Variants in RBM18 observed in about 807,000 individuals in gnomAD.
RBM18 encodes the protein RNA binding motif protein 18.
Under a neutral mutation model 26.4 loss-of-function variants are expected in RBM18, and 18 were observed. The ratio of observed to expected loss-of-function variants is 0.68; its 90% confidence interval spans 0.47 to 1.01. The LOEUF (loss-of-function observed/expected upper bound fraction) is 1.01, where lower values mean the gene tolerates loss of function less well. Ranked by LOEUF, RBM18 falls within the 50% of genes least tolerant of loss-of-function variation. The pLI, the probability that RBM18 is intolerant of heterozygous loss-of-function variation, is 0.00. For missense variants in RBM18, 180 were observed against 219.2 expected, an observed-to-expected ratio of 0.82 and a Z score of 1.13; for synonymous variants, 74 against 81.1, an observed-to-expected ratio of 0.91 and a Z score of 0.47.
At chr9:122,252,621 T>A (rs1243444110) in intron 2 of RBM18, among the ~76,000 whole-genome samples, 1 of 152,218 alleles carries the variant, frequency 6.6e-6, no homozygotes, top group African/African-American at 2.4e-5. Context: ...GGAACAACTA[T>A]GTGACTGAGG....
chr9:122,254,694 G>C (rs1302774828), intron 2 of RBM18, among the ~76,000 whole-genome samples: 1 of 152,204 alleles, frequency 6.6e-6, no homozygotes, highest in Non-Finnish European at 1.5e-5. Flanking sequence ...TGTTAAAATA[G>C]ATACCTACAA....
rs557337288 is a variant in RBM18, at chr9:122,240,020, C to T, written c.*1864G>A. ...ATATAACCACACGGACACCGTCTTA[C>T]ATTTATTCACACAGAGGGATAAGAA... On this transcript the variant is annotated 3_prime_UTR_variant, in exon 6 of 6. Coordinates refer to ENST00000417201, the MANE Select transcript of RBM18 (RefSeq NM_033117.4). 1 of 152,330 alleles carries T rather than the reference C, an allele frequency of 6.6e-6. No homozygotes were observed. Among genetic ancestry groups the T allele is most frequent in the South Asian group, 2.1e-4 (1 of 4,818 alleles). The allele number at this position is 152,330 out of a possible 1,614,324, so 9.4% of individuals were successfully genotyped here.
In RBM18 at chr9:122,245,315, C is replaced by T; in HGVS notation, c.354G>A (p.Lys118=). Residue 118 remains lysine (K), a synonymous_variant, in exon 5 of 6, where the codon AAG becomes AAA. Transcript: ENST00000417201. The part of the protein sequence containing the change: ...VKRYDHNKND[K]ILPISLEPSS... Reference sequence around the variant, plus strand: ...ATGGCTCGAGACTGATTGGAAGAATCTTATCATTCTTGTTATGATCATATC... The same window carrying T: ...ATGGCTCGAGACTGATTGGAAGAATTTTATCATTCTTGTTATGATCATATC... The T allele has an allele frequency of 6.2e-7, 1 of 1,609,336 alleles. No homozygotes were observed. Among genetic ancestry groups the T allele is most frequent in the Non-Finnish European group, 8.5e-7 (1 of 1,175,790 alleles).
intron 2 of RBM18, among the ~76,000 whole-genome samples, chr9:122,254,000 C>G (rs1432498855): frequency 6.6e-6 from 1 of 150,870 alleles, no homozygotes; most frequent in Non-Finnish European, 1.5e-5. Context: ...TGCACTCCAG[C>G]CTGGGCGACA....
At chr9:122,261,599 AG>A in intron 1 of RBM18, 91 bp from the exon 2 acceptor site, 1 of 876,408 alleles carries the variant, frequency 1.1e-6, no homozygotes. Flanking sequence ...TTATTCAAGG[AG>A]GGCATGCCCT....
chr9:122,261,339 C>T (rs1304804782), intron 2 of RBM18, 41 bp downstream of exon 2: 1 of 1,375,768 alleles, frequency 7.3e-7, no homozygotes, highest in Non-Finnish European at 1.0e-6. Flanking sequence ...CACAAAACAT[C>T]CCAATATTGT....
At chr9:122,244,700 C>A (rs1588377882) in intron 5 of RBM18, among the ~76,000 whole-genome samples, 1 of 139,886 alleles carries the variant, frequency 7.1e-6, no homozygotes. Context: ...AACAAACAAA[C>A]AAAAAACCCA....
intron 4 of RBM18, 57 bp downstream of exon 4, chr9:122,247,461 C>G: frequency 2.7e-6 from 4 of 1,462,590 alleles, no homozygotes; most frequent in Non-Finnish European, 3.8e-6. Context: ...GGACAACCAT[C>G]TTTCAGAAGG....
At chr9:122,259,415 G>T (rs1831751242) in intron 2 of RBM18, among the ~76,000 whole-genome samples, 1 of 152,120 alleles carries the variant, frequency 6.6e-6, no homozygotes, top group Admixed American at 6.6e-5. Context: ...AGGTTGGACA[G>T]ATTCATATAC....
intron 2 of RBM18, among the ~76,000 whole-genome samples, chr9:122,256,012 C>T (rs1831691399): frequency 6.6e-6 from 1 of 151,914 alleles, no homozygotes; most frequent in South Asian, 2.1e-4. Context: ...GCCTGGGCAA[C>T]AGAGTGAGAC....
At chr9:122,246,701 G>A (rs956807518) in intron 4 of RBM18, among the ~76,000 whole-genome samples, 5 of 152,140 alleles carry the variant, frequency 3.3e-5, no homozygotes, top group African/African-American at 7.2e-5. Context: ...TCTTTACTGG[G>A]AAGTTTGTTG....
intron 1 of RBM18, among the ~76,000 whole-genome samples, chr9:122,263,010 A>G (rs747610322): frequency 6.6e-6 from 1 of 152,178 alleles, no homozygotes; most frequent in Non-Finnish European, 1.5e-5. Context: ...GATGTGAAAT[A>G]AAGCTTTAGG....
At position 122,237,664 on chromosome 9, in the gene RBM18, CATT is replaced by C. The variant is rs1482673842; in HGVS notation, c.*4217_*4219del. The C allele has an allele frequency of 6.6e-6, 1 of 152,198 alleles. No homozygotes were observed. Among genetic ancestry groups the C allele is most frequent in the East Asian group, 1.9e-4 (1 of 5,188 alleles). The allele number at this position is 152,198 out of a possible 1,614,324, so 9.4% of individuals were successfully genotyped here. A position where few individuals can be genotyped will look rare whatever the true frequency, so the allele number is the denominator to read the frequency against. On this transcript the variant is annotated 3_prime_UTR_variant, in exon 6 of 6. Transcript: ENST00000417201. ...TGACATCTGTTGCTTTTATTCTCTGCATTAATACGAGAATTTTAGAAAACACAT... is the reference window on the plus strand; with the variant it reads ...TGACATCTGTTGCTTTTATTCTCTGCAATACGAGAATTTTAGAAAACACAT...
At chr9:122,254,207 AC>A in intron 2 of RBM18, 18 of 257,448 alleles carry the variant, frequency 7.0e-5, no homozygotes, top group Non-Finnish European at 1.0e-4. Flanking sequence ...AAAAAAAAAA[AC>A]ACACACACCA....
At chr9:122,256,046 A>G (rs1831692749) in intron 2 of RBM18, among the ~76,000 whole-genome samples, 1 of 149,956 alleles carries the variant, frequency 6.7e-6, no homozygotes, top group African/African-American at 2.5e-5. Context: ...GAAAACAACA[A>G]CAACAACAAC....
chr9:122,258,922 A>AG (rs1203864706), intron 2 of RBM18, among the ~76,000 whole-genome samples: 1 of 151,584 alleles, frequency 6.6e-6, no homozygotes, highest in African/African-American at 2.4e-5. Context: ...AAAAAAAAAA[A>AG]AAAAGAAGAA....
chr9:122,240,283 C>T lies in RBM18; in HGVS notation c.*1601G>A, dbSNP rs1213680347. 4.6e-5 allele frequency: 7 copies of T among 152,198 alleles called. No individual in the cohort carries two copies. The East Asian group carries it at 1.2e-3, about 25-fold the overall frequency. The allele number at this position is 152,198 out of a possible 1,614,324, so 9.4% of individuals were successfully genotyped here. On this transcript the variant is annotated 3_prime_UTR_variant, in exon 6 of 6. Coordinates refer to ENST00000417201, the MANE Select transcript of RBM18 (RefSeq NM_033117.4). Reference sequence around the variant, plus strand: ...GAGATAATGCTCCTACCTCTCTGAACTATCCCCCAAATAGGAGGAGAGTTA... The same window carrying T: ...GAGATAATGCTCCTACCTCTCTGAATTATCCCCCAAATAGGAGGAGAGTTA...
chr9:122,250,685 GATA>G (rs1245816487), intron 3 of RBM18, among the ~76,000 whole-genome samples: 1 of 152,104 alleles, frequency 6.6e-6, no homozygotes, highest in Non-Finnish European at 1.5e-5. Context: ...TGATAAACAT[GATA>G]ATATGATTCC....
At chr9:122,257,555 C>A (rs770234166) in intron 2 of RBM18, among the ~76,000 whole-genome samples, 10 of 152,134 alleles carry the variant, frequency 6.6e-5, no homozygotes, top group Non-Finnish European at 1.2e-4. Context: ...GACTGATAGA[C>A]ATCCTAGTGT....
Sources: gnomAD v4.1 joint callset for allele counts (sites outside exome capture counted in the v4.1 genomes callset) on GRCh38, gnomAD v4.1.1 for gene constraint, MANE v1.5 for transcripts, NCBI Gene and HGNC (gene_info 2026-07-23, HGNC 2026-07-21) for gene names.